VRK2: variants seen among roughly 807,000 people sequenced by gnomAD.
VRK2 encodes the protein serine/threonine-protein kinase VRK2.
A neutral mutation model predicts 57.6 loss-of-function variants in VRK2; 60 were observed. The ratio of observed to expected loss-of-function variants is 1.04; its 90% CI spans 0.85 to 1.29. The LOEUF is 1.29. VRK2 is among the 50% of genes most tolerant of loss of function. The pLI, the probability that VRK2 is intolerant of heterozygous loss-of-function variation, is 0.00. For synonymous variants in VRK2, 231 were observed against 199.2 expected (o/e 1.16, Z -1.35); for missense variants, 705 against 588.1 (o/e 1.20, Z -2.06).
upstream of VRK2, chr2:57,907,610 A>T (rs1182585788): frequency 6.6e-6 from 1 of 152,234 alleles, no homozygotes; most frequent in African/African-American, 2.4e-5. Flanking sequence ...CAAACAGAGC[A>T]ACTACAACCA....
chr2:58,008,285 T>C (rs1673315533), intron 1 of VRK2, among the ~76,000 whole-genome samples: 2 of 151,902 alleles, frequency 1.3e-5, no homozygotes, highest in South Asian at 4.1e-4. Flanking sequence ...AATTAGGAAA[T>C]ATTGTCAACT....
At chr2:58,059,715 T>G (rs944348219) in intron 2 of VRK2, among the ~76,000 whole-genome samples, 2 of 151,816 alleles carry the variant, frequency 1.3e-5, no homozygotes, top group African/African-American at 4.8e-5. Flanking sequence ...AAGGGTGATT[T>G]CATGAAAAAG....
At chr2:57,979,937 GT>G (rs1672371065) in intron 1 of VRK2, among the ~76,000 whole-genome samples, 1 of 151,602 alleles carries the variant, frequency 6.6e-6, no homozygotes, top group Non-Finnish European at 1.5e-5. Context: ...CTCTTTTTTT[GT>G]TAATCTAGCC....
At chr2:57,955,734 T>A (rs995909839) in intron 1 of VRK2, among the ~76,000 whole-genome samples, 55 of 152,332 alleles carry the variant, frequency 3.6e-4, no homozygotes, top group African/African-American at 1.2e-3. Context: ...ATCCTGCACA[T>A]GTATCCTGGA....
intron 12 of VRK2, among the ~76,000 whole-genome samples, chr2:58,156,631 GTTGA>G (rs1184926574): frequency 2.6e-5 from 4 of 151,408 alleles, no homozygotes; most frequent in Non-Finnish European, 4.4e-5. Flanking sequence ...CTGACCTCTA[GTTGA>G]TTGTCAAATC....
chr2:57,976,801 A>G (rs983252789), intron 1 of VRK2, among the ~76,000 whole-genome samples: 1 of 152,158 alleles, frequency 6.6e-6, no homozygotes, highest in Non-Finnish European at 1.5e-5. Context: ...GCCAAGACCT[A>G]TGTCCACAAT....
In VRK2 at chr2:58,035,482, G is replaced by GT. The variant is rs200799864; in HGVS notation, c.-6+1930dup. 6.9e-3 allele frequency among the ~76,000 whole-genome samples: 1,056 copies of GT among 152,046 alleles called. 13 individuals are homozygous for GT. Among genetic ancestry groups the GT allele is most frequent in the African/African-American group, 0.024 (997 of 41,490 alleles). The stretch of plus-strand genomic sequence containing the variant: ...GTATCTATGTAGCATGAATTATTCT[G>GT]TAACAGATTGTCCAGATAGTTTCAG... On this transcript the variant is annotated intron_variant, in intron 3 of 15. Coordinates refer to the VRK2 transcript ENST00000417641.
At chr2:57,956,595 G>T (rs1292704186) in intron 1 of VRK2, among the ~76,000 whole-genome samples, 1 of 152,038 alleles carries the variant, frequency 6.6e-6, no homozygotes, top group African/African-American at 2.4e-5. Context: ...CATATATTAA[G>T]TTTGGGGAAT....
chr2:58,008,514 CA>C (rs1346835094), intron 1 of VRK2, among the ~76,000 whole-genome samples: 2 of 149,990 alleles, frequency 1.3e-5, no homozygotes, highest in Non-Finnish European at 3.0e-5. Context: ...CTGTGGTTAA[CA>C]AACGTGAAGG....
chr2:57,984,526 G>A (rs1672533388), intron 1 of VRK2, among the ~76,000 whole-genome samples: 1 of 151,974 alleles, frequency 6.6e-6, no homozygotes, highest in Admixed American at 6.5e-5. Context: ...AGCTAACTAT[G>A]GCACACACTT....
intron 2 of VRK2, among the ~76,000 whole-genome samples, chr2:58,031,352 G>A (rs1244385861): frequency 6.6e-6 from 1 of 151,948 alleles, no homozygotes; most frequent in African/African-American, 2.4e-5. Context: ...TTGTTCCCGT[G>A]TCCCCTATCC....
Position 58,089,636 on chromosome 2 carries a change from T to C in VRK2, c.456T>C (p.Asp152=). ...TTATCTATTTATTTTCACAGTTGGA[T>C]GTACTGGAATATATACATGAAAATG... ...TVLQLGIRML[D]VLEYIHENEY... is the part of the protein sequence containing the mutation. The change falls in exon 7 of 13, where the codon GAT becomes GAC. Residue 152 remains aspartate, a synonymous_variant. Transcript: ENST00000340157. The C allele has an allele frequency of 6.3e-7, 1 of 1,580,496 alleles. No individual in the cohort carries two copies.
intron 1 of VRK2, among the ~76,000 whole-genome samples, chr2:57,913,813 A>C (rs1670064995): frequency 2.0e-5 from 3 of 152,152 alleles, no homozygotes; most frequent in Admixed American, 2.0e-4. Flanking sequence ...CATTTAAAAA[A>C]ATACTGTTTC....
chr2:58,159,274 T>C, intron 12 of VRK2, 75 bp from the exon 13 acceptor site: 2 of 1,180,870 alleles, frequency 1.7e-6, no homozygotes, highest in Admixed American at 2.3e-5. Flanking sequence ...TTTAGCATTC[T>C]TACACACTAC....
At chr2:57,929,386 C>T (rs568001809) in intron 1 of VRK2, among the ~76,000 whole-genome samples, 1 of 152,320 alleles carries the variant, frequency 6.6e-6, no homozygotes, top group East Asian at 1.9e-4. Context: ...AGTGTTCACT[C>T]AAGGCCCACG....
intron 1 of VRK2, among the ~76,000 whole-genome samples, chr2:57,916,161 C>T (rs531476228): frequency 4.6e-4 from 70 of 152,164 alleles, no homozygotes; most frequent in African/African-American, 1.5e-3. Flanking sequence ...AATCCCAGCA[C>T]TTTGGGAGGT....
At chr2:58,155,322 G>A (rs576077424) in intron 12 of VRK2, among the ~76,000 whole-genome samples, 1 of 152,216 alleles carries the variant, frequency 6.6e-6, no homozygotes, top group Admixed American at 6.5e-5. Context: ...TGAGGCCAGA[G>A]TGGAGGGTTG....
chr2:58,159,034 G>A (rs903131247), intron 12 of VRK2, among the ~76,000 whole-genome samples: 6 of 151,888 alleles, frequency 4.0e-5, no homozygotes, highest in Non-Finnish European at 7.4e-5. Context: ...CAATTTTTTG[G>A]TTTTGCCAAG....
At chr2:58,130,188 G>A (rs370357445) in intron 8 of VRK2, among the ~76,000 whole-genome samples, 1 of 152,126 alleles carries the variant, frequency 6.6e-6, no homozygotes, top group East Asian at 1.9e-4. Context: ...AGGGCCTCTT[G>A]TGTGTAGCTT....
Sources: gnomAD v4.1 joint callset for allele counts (sites outside exome capture counted in the v4.1 genomes callset) on GRCh38, gnomAD v4.1.1 for gene constraint, MANE v1.5 for transcripts, NCBI Gene and HGNC (gene_info 2026-07-23, HGNC 2026-07-21) for gene names.